RIPOR2: variants seen among roughly 807,000 people sequenced by gnomAD.
RIPOR2 encodes the protein RHO family interacting cell polarization regulator 2, also known as rho family-interacting cell polarization regulator 2.
A neutral mutation model predicts 114.5 loss-of-function variants in RIPOR2; 39 were observed. The observed-to-expected ratio is 0.34, with a 90% CI of 0.26 to 0.44. RIPOR2 has a LOEUF of 0.44. Among genes scored for constraint, RIPOR2 ranks in the 20% least tolerant of loss-of-function variants. RIPOR2 has a pLI of 1.00. For missense variants in RIPOR2, 1,007 were observed against 1,255.1 expected (o/e 0.80, Z 2.99); for synonymous variants, 445 against 484.4 (o/e 0.92, Z 1.07).
chr6:25,003,719 C>A (rs1285399940), intron 1 of RIPOR2, among the ~76,000 whole-genome samples: 4 of 152,152 alleles, frequency 2.6e-5, no homozygotes, highest in African/African-American at 9.7e-5. Context: ...ACATGAGCCA[C>A]CATGCCTGGC....
At chr6:24,857,957 C>T (rs540647422) in intron 8 of RIPOR2, among the ~76,000 whole-genome samples, 257 of 152,306 alleles carry the variant, frequency 1.7e-3, no homozygotes, top group African/African-American at 5.1e-3. Flanking sequence ...GTCAGCCACA[C>T]CGGTCTACTT....
chr6:24,937,178 A>G (rs1030174574), upstream of RIPOR2, among the ~76,000 whole-genome samples: 3 of 152,228 alleles, frequency 2.0e-5, no homozygotes, highest in Non-Finnish European at 2.9e-5. Flanking sequence ...GACAGTGTAC[A>G]GCTTGGGTCC....
At position 24,928,041 on chromosome 6, in the gene RIPOR2, C is replaced by T. The variant is rs577010881; in HGVS notation, c.61+7797G>A. The stretch of plus-strand genomic sequence containing the variant: ...TTTACTCAGATTGTAGAATGCAGAC[C>T]ACTCAAAACTGCAATGTTTTCTTTA... On this transcript the variant is annotated intron_variant, in intron 1 of 21. Transcript: ENST00000643898. 4.6e-5 allele frequency among the ~76,000 whole-genome samples: 7 copies of T among 152,276 alleles called. No homozygotes were observed. In the South Asian group the frequency reaches 1.4e-3, roughly 32 times the overall value.
upstream of RIPOR2, among the ~76,000 whole-genome samples, chr6:24,938,218 C>T (rs997206806): frequency 6.6e-6 from 1 of 152,086 alleles, no homozygotes; most frequent in Non-Finnish European, 1.5e-5. Flanking sequence ...GAGATTTAGA[C>T]AAAGACATAG....
chr6:24,971,513 G>A (rs1000671614), intron 1 of RIPOR2, among the ~76,000 whole-genome samples: 7 of 152,226 alleles, frequency 4.6e-5, no homozygotes, highest in African/African-American at 7.2e-5. Context: ...GATAGTTCAG[G>A]ATGGGTGCTT....
chr6:25,022,478 A>C (rs1776365901), intron 1 of RIPOR2, among the ~76,000 whole-genome samples: 1 of 148,636 alleles, frequency 6.7e-6, no homozygotes, highest in Non-Finnish European at 1.5e-5. Flanking sequence ...ATTCATAAGT[A>C]AAGGACAAAT....
intron 1 of RIPOR2, among the ~76,000 whole-genome samples, chr6:25,017,864 T>C (rs1034367593): frequency 5.9e-5 from 9 of 152,198 alleles, no homozygotes; most frequent in Admixed American, 3.3e-4. Flanking sequence ...AAATGAAAAG[T>C]TCTGTAAAGT....
At chr6:24,848,381 G>A (rs1325590333) in intron 11 of RIPOR2, among the ~76,000 whole-genome samples, 2 of 152,118 alleles carry the variant, frequency 1.3e-5, no homozygotes, top group Non-Finnish European at 2.9e-5. Flanking sequence ...TATTATCACA[G>A]CTCTAAGCAC....
rs1561782361 is a variant in RIPOR2, at chr6:24,927,130, C to CACCACCATCACCA, written c.61+8707_61+8708insTGGTGATGGTGGT. 6.2e-4 allele frequency among the ~76,000 whole-genome samples: 3 copies of CACCACCATCACCA among 4,868 alleles called. 1 individual carries two copies. The highest frequency in any genetic ancestry group is 1.2e-3 in the Non-Finnish European group (3 of 2,570). The allele number at this position is 4,868 out of a possible 152,430, so 3.2% of individuals were successfully genotyped here. Reference sequence around the variant, plus strand: ...CCACCATGATTATTATAATCATCATCTCACTACCACCACCACCACCACCAC... The same window carrying CACCACCATCACCA: ...CCACCATGATTATTATAATCATCATCACCACCATCACCATCACTACCACCACCACCACCACCAC... On this transcript the variant is annotated intron_variant, in intron 1 of 21. Transcript: ENST00000643898.
At chr6:24,908,744 G>T (rs1328466193) in intron 1 of RIPOR2, among the ~76,000 whole-genome samples, 1 of 152,060 alleles carries the variant, frequency 6.6e-6, no homozygotes, top group Non-Finnish European at 1.5e-5. Context: ...CCCTCCACCC[G>T]CCCCCAGCCT....
intron 8 of RIPOR2, among the ~76,000 whole-genome samples, chr6:24,856,035 C>G (rs1320650232): frequency 3.3e-5 from 5 of 152,080 alleles, no homozygotes; most frequent in Admixed American, 6.6e-5. Flanking sequence ...AAAAACAAAA[C>G]AAAGCAAAAA....
intron 1 of RIPOR2, among the ~76,000 whole-genome samples, chr6:24,949,308 A>T (rs1772624364): frequency 1.3e-5 from 2 of 152,194 alleles, no homozygotes; most frequent in Admixed American, 6.5e-5. Context: ...AAAAACAAGA[A>T]GCAAAACCCA....
In RIPOR2 at chr6:24,917,773, C is replaced by A. The variant is rs917040176; in HGVS notation, c.61+18065G>T. The stretch of plus-strand genomic sequence containing the variant: ...CTCGAACCCCTGACCTTGTGTTCTG[C>A]CCGCATCAGCCTCCCAAAGTGCTGG... On this transcript the variant is annotated intron_variant, in intron 1 of 21. Coordinates refer to ENST00000643898, the MANE Select transcript of RIPOR2 (RefSeq NM_001286445.3). 6.6e-5 allele frequency among the ~76,000 whole-genome samples: 10 copies of A among 152,302 alleles called. No individual in the cohort carries two copies. In the South Asian group the frequency reaches 2.1e-3, roughly 32 times the overall value.
chr6:24,927,976 G>T (rs1446065273), intron 1 of RIPOR2, among the ~76,000 whole-genome samples: 1 of 152,042 alleles, frequency 6.6e-6, no homozygotes, highest in East Asian at 1.9e-4. Context: ...AAGGGGTCTG[G>T]GCCTTCTCTA....
intron 1 of RIPOR2, among the ~76,000 whole-genome samples, chr6:24,958,855 G>C (rs1481675338): frequency 6.6e-6 from 1 of 152,020 alleles, no homozygotes; most frequent in African/African-American, 2.4e-5. Flanking sequence ...AGGACTCTGA[G>C]AGAAAATCCC....
In RIPOR2 at chr6:24,926,864, T is replaced by G. The variant is rs143559809; in HGVS notation, c.61+8974A>C. ...ATCATCATCACCACCAACATCATCA[T>G]CAGCAGCAGCATCATCAGCATCATC... On this transcript the variant is annotated intron_variant, in intron 1 of 21. Coordinates refer to ENST00000643898, the MANE Select transcript of RIPOR2 (RefSeq NM_001286445.3). Among the ~76,000 whole-genome samples the G allele has an allele frequency of 8.2e-3, 1,250 of 151,868 alleles. 10 individuals are homozygous for G. Among genetic ancestry groups the G allele is most frequent in the Admixed American group, 0.012 (181 of 15,246 alleles).
At chr6:24,873,001 G>T in intron 3 of RIPOR2, 42 bp from the exon 4 acceptor site, 2 of 1,359,676 alleles carry the variant, frequency 1.5e-6, no homozygotes, top group Non-Finnish European at 2.1e-6. Context: ...CTCTGCGCCT[G>T]TTAAGTGGAA....
rs374481647 is a variant in RIPOR2 at position 24,947,730 on chromosome 6, G to A, written c.77-71913C>T. 1.4e-3 allele frequency: 210 copies of A among 151,706 alleles called. 8 individuals are homozygous for A. The South Asian group carries it at 0.039, about 28-fold the overall frequency. 9.4% of individuals were successfully genotyped at this position (151,706 alleles called of 1,614,324 possible). Reference sequence around the variant, plus strand: ...GGGGAGGAGAAGGAAAAAGTAGGGGGAAGGGGAGGGGAAGGAAAAGAGTAG... The same window carrying A: ...GGGGAGGAGAAGGAAAAAGTAGGGGAAAGGGGAGGGGAAGGAAAAGAGTAG... On this transcript the variant is annotated intron_variant, in intron 1 of 13. Transcript: ENST00000510784.
At chr6:24,992,914 C>T (rs182664026) in intron 1 of RIPOR2, among the ~76,000 whole-genome samples, 1 of 152,320 alleles carries the variant, frequency 6.6e-6, no homozygotes, top group East Asian at 1.9e-4. Context: ...GCAATTCAAA[C>T]TTAAATATCC....
Sources: gnomAD v4.1 joint callset for allele counts (sites outside exome capture counted in the v4.1 genomes callset) on GRCh38, gnomAD v4.1.1 for gene constraint, MANE v1.5 for transcripts, NCBI Gene and HGNC (gene_info 2026-07-23, HGNC 2026-07-21) for gene names.